MGAT5: variants seen among roughly 807,000 people sequenced by gnomAD.
MGAT5 encodes alpha-1,6-mannosylglycoprotein 6-beta-N-acetylglucosaminyltransferase A.
In MGAT5, 30 loss-of-function variants were observed where a neutral mutation model predicts 94.3. The ratio of observed to expected loss-of-function variants is 0.32; its 90% CI spans 0.24 to 0.43. The LOEUF (loss-of-function observed/expected upper bound fraction) is 0.43, where lower values mean the gene tolerates loss of function less well. Among genes scored for constraint, MGAT5 ranks in the 20% least tolerant of loss-of-function variants. The pLI is 1.00. For synonymous variants in MGAT5, 310 were observed against 322.9 expected, an observed-to-expected ratio of 0.96 and a Z score of 0.43; for missense variants, 691 against 905.5, an observed-to-expected ratio of 0.76 and a Z score of 3.04.
chr2:134,385,810 G>A (rs982447559), intron 10 of MGAT5, among the ~76,000 whole-genome samples: 2 of 152,174 alleles, frequency 1.3e-5, no homozygotes, highest in Non-Finnish European at 1.5e-5. Flanking sequence ...TTTTTGGGAG[G>A]AGGAAGAAAT....
intron 1 of MGAT5, among the ~76,000 whole-genome samples, chr2:134,137,254 G>A (rs141517810): frequency 5.9e-5 from 9 of 152,312 alleles, no homozygotes; most frequent in East Asian, 3.9e-4. Flanking sequence ...TCCTGTTGGC[G>A]TATGGCTTTG....
intron 1 of MGAT5, among the ~76,000 whole-genome samples, chr2:134,202,765 C>G (rs1679854094): frequency 6.6e-6 from 1 of 152,222 alleles, no homozygotes; most frequent in Admixed American, 6.5e-5. Context: ...CTTTTAACCA[C>G]TATTTTCTAA....
intron 12 of MGAT5, among the ~76,000 whole-genome samples, chr2:134,413,377 G>A (rs1683779717): frequency 6.6e-6 from 1 of 152,180 alleles, no homozygotes; most frequent in Non-Finnish European, 1.5e-5. Context: ...GATGGGCTTT[G>A]GAGAATAAAA....
intron 1 of MGAT5, among the ~76,000 whole-genome samples, chr2:134,261,268 G>A (rs1683314542): frequency 6.6e-6 from 1 of 152,138 alleles, no homozygotes; most frequent in Non-Finnish European, 1.5e-5. Context: ...GGCTTAGAAT[G>A]TCCCTTGTCT....
chr2:134,381,369 A>AGATAGAT (rs1553457670), intron 10 of MGAT5, among the ~76,000 whole-genome samples: 3,534 of 53,160 alleles, frequency 0.066, 120 homozygotes, highest in African/African-American at 0.095. Flanking sequence ...ATAGATAGAT[A>AGATAGAT]AGATAAGATA....
At position 134,212,710 on chromosome 2, in the gene MGAT5, C is replaced by T. The variant is rs6715582; in HGVS notation, c.-142-41552C>T. Among the ~76,000 whole-genome samples the T allele has an allele frequency of 8.4e-3, 1,285 of 152,312 alleles. 70 individuals carry two copies. The East Asian group carries it at 0.15, about 18-fold the overall frequency. On this transcript the variant is annotated intron_variant, in intron 1 of 16. Coordinates refer to the MGAT5 transcript ENST00000409645. Reference sequence around the variant, plus strand: ...TCCAACTTCCTGAAAAATCAAGAATCGAGTTTTCCATGGAAAATGGTGGGA... The same window carrying T: ...TCCAACTTCCTGAAAAATCAAGAATTGAGTTTTCCATGGAAAATGGTGGGA...
intron 2 of MGAT5, among the ~76,000 whole-genome samples, chr2:134,270,938 C>A (rs1683988943): frequency 6.6e-6 from 1 of 152,156 alleles, no homozygotes; most frequent in African/African-American, 2.4e-5. Context: ...ATAATAGGTT[C>A]TCTCCTCCCT....
chr2:134,340,680 G>A (rs1480418970), intron 6 of MGAT5, among the ~76,000 whole-genome samples: 1 of 152,106 alleles, frequency 6.6e-6, no homozygotes, highest in Non-Finnish European at 1.5e-5. Flanking sequence ...ATGAGGGGTA[G>A]TTTCTCTTTA....
chr2:134,448,933 C>T lies in MGAT5; in HGVS notation c.*86C>T, dbSNP rs1685950142. On this transcript the variant is annotated 3_prime_UTR_variant, in exon 16 of 16. Transcript: ENST00000281923. ...GGCAGGGCCAGGGACAGAAGTCATG[C>T]AGGGACTCTGGCAAGAGCCTGAACT... is the stretch of plus-strand genomic sequence containing the variant. The T allele has an allele frequency of 2.9e-6, 4 of 1,386,196 alleles. No homozygotes were observed. In the Admixed American group the frequency reaches 8.3e-5, roughly 29 times the overall value. 85.9% of individuals were successfully genotyped at this position (1,386,196 alleles called of 1,614,324 possible). A position where few individuals can be genotyped will look rare whatever the true frequency, so the allele number is the denominator to read the frequency against.
intron 1 of MGAT5, among the ~76,000 whole-genome samples, chr2:134,261,628 TAC>T (rs769849233): frequency 2.0e-5 from 3 of 152,236 alleles, no homozygotes; most frequent in Non-Finnish European, 4.4e-5. Flanking sequence ...AACCCACTGT[TAC>T]TCTCATTCTT....
chr2:134,260,115 A>G (rs538533454), intron 1 of MGAT5, among the ~76,000 whole-genome samples: 2 of 152,260 alleles, frequency 1.3e-5, no homozygotes, highest in Admixed American at 1.3e-4. Flanking sequence ...CTGTAGCTAG[A>G]ACGAAGCAAG....
chr2:134,376,740 G>A (rs537278671), intron 10 of MGAT5, among the ~76,000 whole-genome samples: 230 of 152,274 alleles, frequency 1.5e-3, no homozygotes, highest in Non-Finnish European at 2.4e-3. Flanking sequence ...CTCAGCTGAG[G>A]CCAGAGACCA....
intron 9 of MGAT5, among the ~76,000 whole-genome samples, chr2:134,359,298 AT>A (rs1270417387): frequency 1.3e-5 from 2 of 152,254 alleles, no homozygotes; most frequent in Non-Finnish European, 2.9e-5. Flanking sequence ...TATTTGGACT[AT>A]GAGGCTGTGT....
intron 1 of MGAT5, among the ~76,000 whole-genome samples, chr2:134,137,989 TG>T (rs1368965461): frequency 3.3e-5 from 5 of 151,170 alleles, no homozygotes; most frequent in Non-Finnish European, 5.9e-5. Flanking sequence ...CAATTAGGCC[TG>T]TTTTTTTTTT....
intron 15 of MGAT5, among the ~76,000 whole-genome samples, chr2:134,446,449 C>T (rs962489947): frequency 2.6e-5 from 4 of 152,072 alleles, no homozygotes; most frequent in African/African-American, 9.7e-5. Flanking sequence ...AAAAAAAGGT[C>T]ATAAATATAA....
intron 1 of MGAT5, among the ~76,000 whole-genome samples, chr2:134,174,433 C>G (rs887648705): frequency 3.9e-5 from 6 of 152,236 alleles, no homozygotes; most frequent in African/African-American, 1.2e-4. Flanking sequence ...CTATGCCATG[C>G]GTGGCTAGTG....
chr2:134,327,529 C>T (rs1048529636), intron 4 of MGAT5, among the ~76,000 whole-genome samples: 7 of 152,110 alleles, frequency 4.6e-5, no homozygotes, highest in African/African-American at 1.4e-4. Flanking sequence ...TATCATGGAT[C>T]CCCTGGACAA....
At chr2:134,253,031 G>A (rs1682713097), upstream of MGAT5, 1 of 152,220 alleles carries the variant, frequency 6.6e-6, no homozygotes, top group Non-Finnish European at 1.5e-5. Flanking sequence ...AGCCACAAAA[G>A]ATGGTATGTC....
At chr2:134,155,525 T>C (rs1246292351) in intron 1 of MGAT5, among the ~76,000 whole-genome samples, 1 of 152,208 alleles carries the variant, frequency 6.6e-6, no homozygotes, top group African/African-American at 2.4e-5. Flanking sequence ...GTTGTAAGGA[T>C]TACCTTTTTA....
Sources: gnomAD v4.1 joint callset for allele counts (sites outside exome capture counted in the v4.1 genomes callset) on GRCh38, gnomAD v4.1.1 for gene constraint, MANE v1.5 for transcripts, NCBI Gene and HGNC (gene_info 2026-07-23, HGNC 2026-07-21) for gene names.